Variants in GLI3 observed in about 807,000 individuals in gnomAD.
The protein encoded by GLI3 is GLI family zinc finger 3, also known as transcription activator GLI3.
Under a neutral mutation model 100.8 loss-of-function variants are expected in GLI3, and 20 were observed. The observed-to-expected ratio is 0.20, with a 90% CI of 0.14 to 0.29. The LOEUF (loss-of-function observed/expected upper bound fraction) is 0.29, where lower values mean the gene tolerates loss of function less well. Among genes scored for constraint, GLI3 ranks in the 10% least tolerant of loss-of-function variants. The pLI is 1.00. For missense variants in GLI3, 2,040 were observed against 2,128.5 expected, an observed-to-expected ratio of 0.96 and a Z score of 0.82; for synonymous variants, 938 against 860.5, an observed-to-expected ratio of 1.09 and a Z score of -1.58.
intron 1 of GLI3, among the ~76,000 whole-genome samples, chr7:42,255,629 A>T (rs1789078150): frequency 6.6e-6 from 1 of 152,166 alleles, no homozygotes; most frequent in South Asian, 2.1e-4. Flanking sequence ...TGGTGCATTT[A>T]TGTGTAGCGT....
chr7:41,972,851 G>A lies in GLI3; in HGVS notation c.1813-224C>T, dbSNP rs1449314553. 6.6e-6 allele frequency among the ~76,000 whole-genome samples: 1 copy of A among 152,194 alleles called. No homozygotes were observed. ...CTTTAATAGATTATGGCTTGAGAGA[G>A]AGGCTCAGGGAGAACTAAGAATGTG... On this transcript the variant is annotated intron_variant, in intron 12 of 14. Transcript: ENST00000395925. The surrounding 1 kb of genome is among the most constrained non-coding windows in gnomAD (Gnocchi z 4.4).
intron 2 of GLI3, among the ~76,000 whole-genome samples, chr7:42,202,289 A>C (rs1220901930): frequency 1.3e-5 from 2 of 151,014 alleles, no homozygotes; most frequent in Non-Finnish European, 2.9e-5. Context: ...CTCTCCAAAA[A>C]TCTGACCTCA....
At chr7:42,094,119 A>AC (rs1226376302) in intron 3 of GLI3, among the ~76,000 whole-genome samples, 1 of 152,116 alleles carries the variant, frequency 6.6e-6, no homozygotes, top group Non-Finnish European at 1.5e-5. Context: ...CCTCAAGGTC[A>AC]CTATCTCCCT....
chr7:42,242,440 T>A (rs1788934944), upstream of GLI3, among the ~76,000 whole-genome samples: 1 of 152,240 alleles, frequency 6.6e-6, no homozygotes, highest in Non-Finnish European at 1.5e-5. Context: ...AAACAGCCTA[T>A]AAAGGAGAGG....
rs1266922780 is a variant in GLI3 at position 41,966,364 on chromosome 7, C to T, written c.2709G>A (p.Ser903=). The change falls in exon 15 of 15, where the codon TCG becomes TCA. Residue 903 remains serine (S), a synonymous_variant. Transcript: ENST00000395925. The surrounding 1 kb of genome is among the most constrained non-coding windows in gnomAD (Gnocchi z 5.8). ...DSYDPISTDA[S]RRSSEASQSD... ...TCTGGCTGGCTTCGCTGGAGCGGCG[C>T]GAGGCGTCGGTGGAGATGGGGTCGT... 3.1e-6 allele frequency: 5 copies of T among 1,608,408 alleles called. No individual in the cohort carries two copies. Among genetic ancestry groups the T allele is most frequent in the Admixed American group, 3.3e-5 (2 of 59,924 alleles).
At chr7:41,989,327 C>T (rs73320230) in intron 10 of GLI3, among the ~76,000 whole-genome samples, 7,441 of 152,228 alleles carry the variant, frequency 0.049, 267 homozygotes, top group African/African-American at 0.094. Context: ...CTGTAATGAA[C>T]AAATCCAGCA....
At position 42,085,784 on chromosome 7, in the gene GLI3, C is replaced by T. The variant is rs1425720539; in HGVS notation, c.368-8927G>A. Among the ~76,000 whole-genome samples the T allele has an allele frequency of 5.3e-5, 8 of 152,332 alleles. No individual in the cohort carries two copies. The East Asian group carries it at 1.5e-3, about 29-fold the overall frequency. ...GCAAGCCTGCCAGAGATTGTCGGGG[C>T]TCAGGCTCAGCATATCAAGAGGTTT... On this transcript the variant is annotated intron_variant, in intron 3 of 14. Coordinates refer to ENST00000395925, the MANE Select transcript of GLI3 (RefSeq NM_000168.6).
chr7:42,213,186 A>T (rs1765201471), intron 2 of GLI3, among the ~76,000 whole-genome samples: 1 of 152,242 alleles, frequency 6.6e-6, no homozygotes, highest in Non-Finnish European at 1.5e-5. Flanking sequence ...TCTGAATTTT[A>T]CATAATGAAA....
intron 3 of GLI3, among the ~76,000 whole-genome samples, chr7:42,128,194 G>C (rs80239227): frequency 6.6e-6 from 1 of 152,014 alleles, no homozygotes; most frequent in African/African-American, 2.4e-5. Context: ...TAATAAGGGA[G>C]CACTCAATTT....
chr7:42,071,852 A>G (rs2128750447), intron 4 of GLI3, among the ~76,000 whole-genome samples: 1 of 152,288 alleles, frequency 6.6e-6, no homozygotes, highest in Admixed American at 6.5e-5. Context: ...GATCTTCATA[A>G]TACTGAGTCC....
At chr7:42,170,398 T>C (rs1243840920) in intron 2 of GLI3, among the ~76,000 whole-genome samples, 1 of 33,090 alleles carries the variant, frequency 3.0e-5, no homozygotes, top group Non-Finnish European at 5.4e-5. Context: ...CTTACTGATC[T>C]TTTTTTTTTT....
chr7:42,166,597 G>A (rs1201537762), intron 2 of GLI3, among the ~76,000 whole-genome samples: 1 of 151,328 alleles, frequency 6.6e-6, no homozygotes, highest in Non-Finnish European at 1.5e-5. Flanking sequence ...CAGAGGAGAA[G>A]GGGGCAGAGG....
Position 42,262,225 on chromosome 7 carries a change from T to TTCCTTCCTTCC in GLI3, c.-43+1768_-43+1769insGGAAGGAAGGA, listed in dbSNP as rs1789151410. On this transcript the variant is annotated intron_variant, in intron 1 of 2. Coordinates refer to the GLI3 transcript ENST00000678978. ...CCTTCCTTCTTTCCTTCCTTCCTTCTTTCCTTCCTTCCTTCCTTCCTTTCT... is the reference window on the plus strand; with the variant it reads ...CCTTCCTTCTTTCCTTCCTTCCTTCTTCCTTCCTTCCTTCCTTCCTTCCTTCCTTCCTTTCT... Among the ~76,000 whole-genome samples, 63 of 118,780 alleles carry TTCCTTCCTTCC rather than the reference T, an allele frequency of 5.3e-4. 3 individuals carry two copies. Among genetic ancestry groups the TTCCTTCCTTCC allele is most frequent in the African/African-American group, 1.1e-3 (34 of 29,742 alleles). The allele number at this position is 118,780 out of a possible 152,430, so 77.9% of individuals were successfully genotyped here. A position where few individuals can be genotyped will look rare whatever the true frequency, so the allele number is the denominator to read the frequency against.
intron 3 of GLI3, among the ~76,000 whole-genome samples, chr7:42,125,229 GC>G (rs1326850197): frequency 6.6e-6 from 1 of 152,186 alleles, no homozygotes; most frequent in African/African-American, 2.4e-5. Flanking sequence ...AGAAAAGCCT[GC>G]CATGGTGCCT....
rs1328292775 is a variant in GLI3, at chr7:41,966,486, G to A, written c.2587C>T (p.Arg863Cys). ...TISSAYLSSRRSSGISPCFSS... is the reference protein window; with the variant it reads ...TISSAYLSSRCSSGISPCFSS... ...AAGCAGGGCGAGATCCCTGAGGAGC[G>A]GCGGCTGCTCAGGTAGGCCGAGCTG... The change falls in exon 15 of 15, where the codon CGC becomes TGC. Residue 863 changes from arginine to cysteine, a missense_variant. Arg to Cys is a radical substitution (Grantham distance 180). Coordinates refer to ENST00000395925, the MANE Select transcript of GLI3 (RefSeq NM_000168.6). This position sits in a 1 kb window ranked among gnomAD's most constrained non-coding sequence, Gnocchi z 5.8. 11 of 1,612,838 alleles carry A rather than the reference G, an allele frequency of 6.8e-6. No individual in the cohort carries two copies. Among genetic ancestry groups the A allele is most frequent in the East Asian group, 6.7e-5 (3 of 44,854 alleles).
rs770861781 is a variant in GLI3, at chr7:42,040,220, G to A, written c.846C>T (p.Pro282=). 21 of 1,613,410 alleles carry A rather than the reference G, an allele frequency of 1.3e-5. No homozygotes were observed. The African/African-American group carries it at 2.0e-4, about 15-fold the overall frequency. The change falls in exon 7 of 15, where the codon CCC becomes CCT. Residue 282 remains proline, a synonymous_variant. Coordinates refer to ENST00000395925, the MANE Select transcript of GLI3 (RefSeq NM_000168.6). ...HAMDSTRFSS[P]RLSARPSRKR... ...TTCGGCTCGGCCTGGCTGACAGCCT[G>A]GGGCTGGAGAATCTGGTGCCTGTTA...
At position 42,148,278 on chromosome 7, in the gene GLI3, G is replaced by A. The variant is rs140872736; in HGVS notation, c.315C>T (p.Arg105=). Residue 105 remains arginine, a synonymous_variant, in exon 3 of 15, where the codon CGC becomes CGT. Coordinates refer to ENST00000395925, the MANE Select transcript of GLI3 (RefSeq NM_000168.6). ...PHVAEPSVPY[R]GTVFAMDPRN... is the part of the protein sequence containing the mutation. Reference sequence around the variant, plus strand: ...TGGGGTCCATGGCAAACACCGTCCCGCGGTACGGCACAGAGGGCTCCGCCA... The same window carrying A: ...TGGGGTCCATGGCAAACACCGTCCCACGGTACGGCACAGAGGGCTCCGCCA... 90 of 1,613,066 alleles carry A rather than the reference G, an allele frequency of 5.6e-5. No individual in the cohort carries two copies. In the African/African-American group the frequency reaches 7.7e-4, roughly 14 times the overall value.
intron 7 of GLI3, among the ~76,000 whole-genome samples, chr7:42,033,187 A>G (rs1789345520): frequency 6.6e-6 from 1 of 152,256 alleles, no homozygotes; most frequent in South Asian, 2.1e-4. Context: ...CAAAGGCGCC[A>G]GCTCTCAGTC....
At chr7:42,223,362 C>A (rs1399349051) in intron 1 of GLI3, 67 bp from the exon 2 acceptor site, 12 of 889,010 alleles carry the variant, frequency 1.3e-5, no homozygotes, top group African/African-American at 1.7e-5. Flanking sequence ...TTTCAAAAGT[C>A]CACTTCACCT....
Sources: allele counts gnomAD v4.1 joint callset (sites outside exome capture counted in the v4.1 genomes callset), GRCh38; gene constraint gnomAD v4.1.1; non-coding constraint Gnocchi (gnomAD v3.1); transcripts MANE v1.5; gene names NCBI Gene and HGNC (gene_info 2026-07-23, HGNC 2026-07-21).